The following KCNS3 variants were observed in gnomAD, a reference collection of about 807,000 sequenced individuals.
KCNS3 encodes potassium voltage-gated channel modifier subfamily S member 3, also known as delayed-rectifier potassium channel regulatory subunit KCNS3.
KCNS3 carries 13 observed loss-of-function variants against 31.0 expected under a neutral mutation model. The observed-to-expected ratio is 0.42, with a 90% CI of 0.27 to 0.67. The LOEUF (loss-of-function observed/expected upper bound fraction) is 0.67. Ranked by LOEUF, KCNS3 falls within the 30% of genes least tolerant of loss-of-function variation. KCNS3 has a pLI of 0.25. For synonymous variants in KCNS3, 238 were observed against 241.5 expected, an observed-to-expected ratio of 0.99 and a Z score of 0.13; for missense variants, 545 against 622.4, an observed-to-expected ratio of 0.88 and a Z score of 1.32.
At chr2:17,897,184 T>C (rs1323325100) in intron 1 of KCNS3, among the ~76,000 whole-genome samples, 3 of 152,224 alleles carry the variant, frequency 2.0e-5, no homozygotes, top group Non-Finnish European at 2.9e-5. Context: ...CTTAGGATAA[T>C]GGCCTTTAGC....
intron 1 of KCNS3, among the ~76,000 whole-genome samples, chr2:17,888,645 A>ATATC (rs1558447000): frequency 5.7e-5 from 7 of 123,740 alleles, no homozygotes; most frequent in East Asian, 2.5e-4. Context: ...ATATATATAT[A>ATATC]TATATATATA....
rs199928504 is a variant in KCNS3, at chr2:17,888,631, A to ATATCTATATCTATATC, written c.-252+9828_-252+9829insCTATATCTATATCTAT. ...ACTTAAAGTATAATAAAAAAAATGT[A>ATATCTATATCTATATC]TATATATATATATATATATATATAT... On this transcript the variant is annotated intron_variant, in intron 1 of 2. Coordinates refer to ENST00000304101, the MANE Select transcript of KCNS3 (RefSeq NM_002252.5). Among the ~76,000 whole-genome samples, 12 of 30,432 alleles carry ATATCTATATCTATATC rather than the reference A, an allele frequency of 3.9e-4. No individual in the cohort carries two copies. In the East Asian group the frequency reaches 5.4e-3, roughly 14 times the overall value. 20.0% of individuals were successfully genotyped at this position (30,432 alleles called of 152,430 possible). A position where few individuals can be genotyped will look rare whatever the true frequency, so the allele number is the denominator to read the frequency against.
At chr2:17,905,463 G>A (rs970253297) in intron 1 of KCNS3, among the ~76,000 whole-genome samples, 38 of 152,256 alleles carry the variant, frequency 2.5e-4, no homozygotes, top group South Asian at 4.2e-4. Context: ...TCTTTCTCCT[G>A]CCTGATTGCC....
In KCNS3 at chr2:17,931,959, G is replaced by A. The variant is rs1180777106; in HGVS notation, c.951G>A (p.Leu317=). ...GACTTCGGTCTCTAGGTGCCACACT[G>A]AGACACAGCTACCATGAAGTTGGGC... ...SVGLRSLGAT[L]RHSYHEVGLL... is the part of the protein sequence containing the mutation. The change falls in exon 3 of 3, where the codon CTG becomes CTA. Residue 317 remains leucine (L), a synonymous_variant. Transcript: ENST00000304101. This position sits in a 1 kb window ranked among gnomAD's most constrained non-coding sequence, Gnocchi z 5.4. The A allele has an allele frequency of 3.1e-6, 5 of 1,613,944 alleles. No individual in the cohort carries two copies. Among genetic ancestry groups the A allele is most frequent in the Non-Finnish European group, 4.2e-6 (5 of 1,180,014 alleles).
intron 2 of KCNS3, among the ~76,000 whole-genome samples, chr2:17,930,197 C>T (rs1326673832): frequency 2.6e-5 from 4 of 152,046 alleles, no homozygotes; most frequent in East Asian, 1.9e-4. Flanking sequence ...GGGAGTGGAG[C>T]GGGTTTGTGT....
At chr2:17,909,365 C>T (rs1662417904) in intron 1 of KCNS3, among the ~76,000 whole-genome samples, 1 of 152,150 alleles carries the variant, frequency 6.6e-6, no homozygotes, top group Non-Finnish European at 1.5e-5. Context: ...TCACCCCTTA[C>T]CTTAGCTAGG....
At chr2:17,882,119 C>CTG (rs1674657999) in intron 1 of KCNS3, among the ~76,000 whole-genome samples, 1 of 152,100 alleles carries the variant, frequency 6.6e-6, no homozygotes, top group African/African-American at 2.4e-5. Flanking sequence ...TGCTAAGTGC[C>CTG]CAGTACTACA....
At chr2:17,889,189 A>G (rs1011322364) in intron 1 of KCNS3, among the ~76,000 whole-genome samples, 1 of 151,800 alleles carries the variant, frequency 6.6e-6, no homozygotes, top group Non-Finnish European at 1.5e-5. Flanking sequence ...TTTTGCAGCT[A>G]TTGTAAAAGG....
intron 1 of KCNS3, among the ~76,000 whole-genome samples, chr2:17,898,752 A>T (rs1013008450): frequency 2.0e-5 from 3 of 152,212 alleles, no homozygotes; most frequent in Non-Finnish European, 4.4e-5. Context: ...AAAGGGGCAG[A>T]GGAAACTAAA....
intron 2 of KCNS3, among the ~76,000 whole-genome samples, chr2:17,927,426 C>T (rs778199841): frequency 6.6e-6 from 1 of 152,200 alleles, no homozygotes; most frequent in African/African-American, 2.4e-5. Context: ...ACCCCACTCT[C>T]TGTGGTGCCA....
chr2:17,902,805 T>C (rs1221141706), intron 1 of KCNS3, among the ~76,000 whole-genome samples: 1 of 152,238 alleles, frequency 6.6e-6, no homozygotes, highest in African/African-American at 2.4e-5. Flanking sequence ...TATGATGATC[T>C]TATCAGCCAG....
chr2:17,878,582 G>A (rs1209524232), upstream of KCNS3: 1 of 147,886 alleles, frequency 6.8e-6, no homozygotes, highest in Non-Finnish European at 1.5e-5. Flanking sequence ...CGGCGGCCGA[G>A]CGGCGGGCCC....
chr2:17,902,868 A>G (rs1219163590), intron 1 of KCNS3, among the ~76,000 whole-genome samples: 1 of 152,216 alleles, frequency 6.6e-6, no homozygotes, highest in Non-Finnish European at 1.5e-5. Context: ...TTTATGCCAC[A>G]TCCCCAATTT....
intron 1 of KCNS3, among the ~76,000 whole-genome samples, chr2:17,903,712 G>T (rs1225260747): frequency 6.6e-6 from 1 of 151,930 alleles, no homozygotes; most frequent in Non-Finnish European, 1.5e-5. Context: ...GCGGTGTTTG[G>T]TTTTTTGTCC....
chr2:17,908,853 A>G (rs890132414), intron 1 of KCNS3, among the ~76,000 whole-genome samples: 1 of 152,126 alleles, frequency 6.6e-6, no homozygotes, highest in Non-Finnish European at 1.5e-5. Flanking sequence ...GGCCGTGTGA[A>G]GTGTCAGTCT....
chr2:17,914,624 A>G (rs1662548079), intron 1 of KCNS3, among the ~76,000 whole-genome samples: 1 of 152,174 alleles, frequency 6.6e-6, no homozygotes, highest in Non-Finnish European at 1.5e-5. Context: ...GGGAAGAGGA[A>G]TTGGTTCAAA....
chr2:17,905,924 T>C (rs1172170630), intron 1 of KCNS3, among the ~76,000 whole-genome samples: 3 of 152,184 alleles, frequency 2.0e-5, no homozygotes, highest in African/African-American at 7.2e-5. Context: ...AAAATTCTCT[T>C]TTTTTGTTGT....
At chr2:17,881,650 A>G (rs895133481) in intron 1 of KCNS3, among the ~76,000 whole-genome samples, 1 of 152,228 alleles carries the variant, frequency 6.6e-6, no homozygotes, top group Non-Finnish European at 1.5e-5. Context: ...CCCAGCCCGG[A>G]AAAGGTGAAG....
At chr2:17,896,984 A>G (rs1375492996) in intron 1 of KCNS3, among the ~76,000 whole-genome samples, 1 of 152,104 alleles carries the variant, frequency 6.6e-6, no homozygotes, top group Non-Finnish European at 1.5e-5. Flanking sequence ...TGATGGGACC[A>G]GTTACCCAGG....
Sources: gnomAD v4.1 joint callset for allele counts (sites outside exome capture counted in the v4.1 genomes callset) on GRCh38, gnomAD v4.1.1 for gene constraint, Gnocchi (gnomAD v3.1) non-coding constraint, MANE v1.5 for transcripts, NCBI Gene and HGNC (gene_info 2026-07-23, HGNC 2026-07-21) for gene names.